GDPGP1: variants seen among roughly 807,000 people sequenced by gnomAD.
GDPGP1 encodes GDP-D-glucose phosphorylase 1.
A neutral mutation model predicts 19.2 loss-of-function variants in GDPGP1; 18 were observed. The ratio of observed to expected loss-of-function variants is 0.94; its 90% confidence interval spans 0.65 to 1.39. GDPGP1 has a LOEUF of 1.39. Among genes scored for constraint, GDPGP1 ranks in the 40% most tolerant of loss-of-function variants. The pLI is 0.00. For missense variants in GDPGP1, 449 were observed against 490.5 expected, an observed-to-expected ratio of 0.92 and a Z score of 0.80; for synonymous variants, 219 against 208.9, an observed-to-expected ratio of 1.05 and a Z score of -0.42.
chr15:90,245,483 A>AAAG lies in GDPGP1; in HGVS notation c.*3419_*3420insGAA, dbSNP rs1417885536. 3 of 151,868 alleles carry AAAG rather than the reference A, an allele frequency of 2.0e-5. No individual in the cohort carries two copies. The highest frequency in any genetic ancestry group is 7.3e-5 in the African/African-American group (3 of 41,322). The allele number at this position is 151,868 out of a possible 1,614,324, so 9.4% of individuals were successfully genotyped here. On this transcript the variant is annotated 3_prime_UTR_variant, in exon 4 of 4. Coordinates refer to ENST00000329600, the MANE Select transcript of GDPGP1 (RefSeq NM_001013657.3). The stretch of plus-strand genomic sequence containing the variant: ...GAGAGACTTTGTCTCAAAAAAAAAA[A>AAAG]AAAAGAAAAAAACAGTTTACCATTC...
chr15:90,237,802 C>A (rs1567071605), intron 2 of GDPGP1, among the ~76,000 whole-genome samples: 1 of 151,854 alleles, frequency 6.6e-6, no homozygotes, highest in Non-Finnish European at 1.5e-5. Context: ...TAAGATACTA[C>A]ATTAGTCAGG....
chr15:90,235,180 A>G (rs56288607), intron 2 of GDPGP1, among the ~76,000 whole-genome samples: 3,147 of 152,228 alleles, frequency 0.021, 98 homozygotes, highest in African/African-American at 0.069. Flanking sequence ...CTGCCTAGGA[A>G]TCTACTTTAC....
At chr15:90,236,505 C>T (rs1414106532) in intron 2 of GDPGP1, among the ~76,000 whole-genome samples, 1 of 152,168 alleles carries the variant, frequency 6.6e-6, no homozygotes, top group African/African-American at 2.4e-5. Context: ...CAGCAAGAAC[C>T]TTTTGTGCCA....
chr15:90,242,323 C>T lies in GDPGP1; in HGVS notation c.*257C>T. The stretch of plus-strand genomic sequence containing the variant: ...ATTTTTTTATATAGACAGCGTTTCA[C>T]CATGTTGCCCAGGCTGGTCTTGAAC... On this transcript the variant is annotated 3_prime_UTR_variant, in exon 4 of 4. Transcript: ENST00000329600. 1 of 278,258 alleles carries T rather than the reference C, an allele frequency of 3.6e-6. No homozygotes were observed. Among genetic ancestry groups the T allele is most frequent in the Non-Finnish European group, 6.5e-6 (1 of 153,698 alleles). 17.2% of individuals were successfully genotyped at this position (278,258 alleles called of 1,614,324 possible). A position where few individuals can be genotyped will look rare whatever the true frequency, so the allele number is the denominator to read the frequency against.
intron 3 of GDPGP1, among the ~76,000 whole-genome samples, 168 bp from the exon 4 acceptor site, chr15:90,240,732 G>C (rs919668840): frequency 9.9e-5 from 15 of 151,880 alleles, no homozygotes; most frequent in South Asian, 6.2e-4. Context: ...AGAACCGCTT[G>C]AACCCAGGAG....
intron 2 of GDPGP1, among the ~76,000 whole-genome samples, chr15:90,237,424 G>A (rs1013180698): frequency 4.0e-5 from 6 of 151,278 alleles, no homozygotes; most frequent in East Asian, 1.9e-4. Context: ...TGGGACTACA[G>A]GTGTGTGCCC....
chr15:90,236,624 C>T (rs1355074791), intron 2 of GDPGP1, among the ~76,000 whole-genome samples: 2 of 152,006 alleles, frequency 1.3e-5, no homozygotes, highest in African/African-American at 4.8e-5. Context: ...ACCTCTGCCT[C>T]CCAGGTTCAC....
rs1317138669 is a variant in GDPGP1 at position 90,241,301 on chromosome 15, C to T, written c.393C>T (p.Pro131=). 1.4e-5 allele frequency: 22 copies of T among 1,614,100 alleles called. No homozygotes were observed. The highest frequency in any genetic ancestry group is 1.6e-4 in the Middle Eastern group (1 of 6,084). The change falls in exon 4 of 4, where the codon CCC becomes CCT. Residue 131 remains proline, a synonymous_variant. Coordinates refer to ENST00000329600, the MANE Select transcript of GDPGP1 (RefSeq NM_001013657.3). ...AGTTCAACTTCAACAAGATCCGGCC[C>T]GGAGAAGTCCTCTTCCGTTTGCACC... ...PVQFNFNKIR[P]GEVLFRLHRE...
intron 2 of GDPGP1, among the ~76,000 whole-genome samples, chr15:90,237,577 A>C (rs1170861466): frequency 6.6e-6 from 1 of 152,120 alleles, no homozygotes; most frequent in African/African-American, 2.4e-5. Context: ...GGTGTGAGCC[A>C]CCGCACCCAG....
rs1348665412 is a variant in GDPGP1, at chr15:90,245,718, G to A, written c.*3652G>A. 1.3e-5 allele frequency: 2 copies of A among 152,116 alleles called. No homozygotes were observed. Among genetic ancestry groups the A allele is most frequent in the African/African-American group, 2.4e-5 (1 of 41,412 alleles). The allele number at this position is 152,116 out of a possible 1,614,324, so 9.4% of individuals were successfully genotyped here. ...ATATCAGGATTTTCCCAGTTTCTCC[G>A]TAGGACTGATGTTTAGAGGAAAGCC... On this transcript the variant is annotated 3_prime_UTR_variant, in exon 4 of 4. Transcript: ENST00000329600.
At position 90,241,434 on chromosome 15, in the gene GDPGP1, C is replaced by T. The variant is rs1962755759; in HGVS notation, c.526C>T (p.Gln176Ter). ...HVLLVPEPAR[Q>*]LPQRLLPGAL... ...GCTGCTGGTGCCTGAGCCTGCCCGC[C>T]AGCTCCCCCAGCGCCTGCTGCCGGG... is the stretch of plus-strand genomic sequence containing the variant. The change falls in exon 4 of 4, where the codon CAG (glutamine) becomes TAG (stop). Residue 176 changes from glutamine to a stop codon, truncating the protein, a stop_gained. Transcript: ENST00000329600. LOFTEE classifies it high-confidence loss of function. 1 of 1,613,408 alleles carries T rather than the reference C, an allele frequency of 6.2e-7. No individual in the cohort carries two copies. The highest frequency in any genetic ancestry group is 8.5e-7 in the Non-Finnish European group (1 of 1,180,024).
chr15:90,241,786 G>T lies in GDPGP1; in HGVS notation c.878G>T (p.Arg293Leu). Residue 293 changes from arginine (R) to leucine (L), a missense_variant, in exon 4 of 4, where the codon CGG becomes CTG. Transcript: ENST00000329600. ...HEIAHNLFVTRGAPPGKTSPS... is the reference protein window; with the variant it reads ...HEIAHNLFVTLGAPPGKTSPS... ...ATTGCTCATAACTTGTTTGTCACCC[G>T]GGGAGCTCCGCCGGGAAAGACATCA... is the stretch of plus-strand genomic sequence containing the variant. The T allele has an allele frequency of 6.2e-7, 1 of 1,614,192 alleles. No individual in the cohort carries two copies. The highest frequency in any genetic ancestry group is 2.2e-5 in the East Asian group (1 of 44,884).
chr15:90,236,130 C>G (rs1962632822), intron 2 of GDPGP1: 2 of 152,362 alleles, frequency 1.3e-5, no homozygotes, highest in African/African-American at 4.8e-5. Context: ...CCTCCGCCTC[C>G]TGAGTTCAAG....
At chr15:90,240,038 A>C (rs1962718935) in intron 3 of GDPGP1, among the ~76,000 whole-genome samples, 1 of 152,024 alleles carries the variant, frequency 6.6e-6, no homozygotes, top group Non-Finnish European at 1.5e-5. Context: ...AGCCAGACCA[A>C]CATGGTGAAA....
At position 90,243,640 on chromosome 15, in the gene GDPGP1, GTTTTTTT is replaced by G. The variant is rs3029932; in HGVS notation, c.*1598_*1604del. The stretch of plus-strand genomic sequence containing the variant: ...AAGATGCCACCACACCTTGGTGCAG[GTTTTTTT>G]TTTTTTTTTTTTTTTTTTTTTTTGA... On this transcript the variant is annotated 3_prime_UTR_variant, in exon 4 of 4. Transcript: ENST00000329600. The G allele has an allele frequency of 7.7e-4, 77 of 99,448 alleles. No individual in the cohort carries two copies. The highest frequency in any genetic ancestry group is 5.5e-3 in the East Asian group (18 of 3,246). The allele number at this position is 99,448 out of a possible 1,614,324, so 6.2% of individuals were successfully genotyped here. A position where few individuals can be genotyped will look rare whatever the true frequency, so the allele number is the denominator to read the frequency against.
rs200207770 is a variant in GDPGP1 at position 90,241,043 on chromosome 15, G to A, written c.135G>A (p.Arg45=). The part of the protein sequence containing the change: ...DLMAEGIQWP[R]NAPGIPDALP... ...TGGCAGAAGGGATTCAGTGGCCAAG[G>A]AATGCACCTGGCATCCCAGATGCTC... Residue 45 remains arginine, a synonymous_variant, in exon 4 of 4, where the codon AGG becomes AGA. Coordinates refer to ENST00000329600, the MANE Select transcript of GDPGP1 (RefSeq NM_001013657.3). 6.2e-7 allele frequency: 1 copy of A among 1,614,116 alleles called. No individual in the cohort carries two copies. The highest frequency in any genetic ancestry group is 8.5e-7 in the Non-Finnish European group (1 of 1,179,998).
intron 2 of GDPGP1, among the ~76,000 whole-genome samples, chr15:90,236,669 G>T (rs1488194030): frequency 1.3e-5 from 2 of 151,828 alleles, no homozygotes; most frequent in African/African-American, 4.8e-5. Flanking sequence ...GAGTAGCTGG[G>T]ATTACAGGAG....
At chr15:90,237,086 G>A (rs1962651070) in intron 2 of GDPGP1, among the ~76,000 whole-genome samples, 1 of 151,704 alleles carries the variant, frequency 6.6e-6, no homozygotes, top group South Asian at 2.1e-4. Flanking sequence ...AGCCTCCCGA[G>A]TAGCTGAGAT....
In GDPGP1 at chr15:90,244,970, CTGAG is replaced by C. The variant is rs942395698; in HGVS notation, c.*2907_*2910del. The C allele has an allele frequency of 1.3e-5, 2 of 152,238 alleles. No individual in the cohort carries two copies. Among genetic ancestry groups the C allele is most frequent in the African/African-American group, 4.8e-5 (2 of 41,444 alleles). 9.4% of individuals were successfully genotyped at this position (152,238 alleles called of 1,614,324 possible). The stretch of plus-strand genomic sequence containing the variant: ...CACACAGGTGGGTTCTGGCTGCTGT[CTGAG>C]TGGGCTCACCCAGGAGGGGTTTTGA... On this transcript the variant is annotated 3_prime_UTR_variant, in exon 4 of 4. Coordinates refer to ENST00000329600, the MANE Select transcript of GDPGP1 (RefSeq NM_001013657.3).
Sources: allele counts gnomAD v4.1 joint callset (sites outside exome capture counted in the v4.1 genomes callset), GRCh38; gene constraint gnomAD v4.1.1; transcripts MANE v1.5; gene names NCBI Gene and HGNC (gene_info 2026-07-23, HGNC 2026-07-21).